Variants in DPH6 observed in about 807,000 individuals in gnomAD.
DPH6 encodes the protein diphthine--ammonia ligase.
DPH6 carries 33 observed loss-of-function variants against 38.2 expected under a neutral mutation model. That is an observed-to-expected ratio of 0.86 (90% CI 0.65 to 1.15). The LOEUF is 1.15. DPH6 is among the 50% of genes most tolerant of loss of function. The pLI is 0.00. For synonymous variants in DPH6, 108 were observed against 103.0 expected (o/e 1.05, Z -0.30); for missense variants, 325 against 320.0 (o/e 1.02, Z -0.12).
At chr15:35,156,671 G>A in the DPH6 span, among the ~76,000 whole-genome samples, 6 of 152,252 alleles carry the variant, frequency 3.9e-5, no homozygotes, top group African/African-American at 1.2e-4. Flanking sequence ...TCAATTTGAT[G>A]ACACAGATTA....
chr15:35,158,805 AACTCTTCCGTCTC>A, the DPH6 span, among the ~76,000 whole-genome samples: 50 of 152,050 alleles, frequency 3.3e-4, 1 homozygote, highest in Non-Finnish European at 6.8e-4. Flanking sequence ...AAAACAAAAG[AACTCTTCCGTCTC>A]TCTACTTCTG....
At chr15:35,427,774 C>T (rs2053587168) in intron 5 of DPH6, among the ~76,000 whole-genome samples, 1 of 151,792 alleles carries the variant, frequency 6.6e-6, no homozygotes, top group South Asian at 2.1e-4. Context: ...TAAATAAGCA[C>T]AGTCTTTGGA....
chr15:35,238,488 C>T (rs1220358057), intron 3 of DPH6, among the ~76,000 whole-genome samples: 1 of 152,184 alleles, frequency 6.6e-6, no homozygotes, highest in African/African-American at 2.4e-5. Flanking sequence ...AACCCAGCCA[C>T]ACTTGGGGAG....
chr15:35,240,204 A>G (rs534558626), intron 3 of DPH6, among the ~76,000 whole-genome samples: 1 of 143,342 alleles, frequency 7.0e-6, no homozygotes, highest in African/African-American at 2.5e-5. Flanking sequence ...AAATAGCCAG[A>G]AAACGGCACT....
intron 3 of DPH6, among the ~76,000 whole-genome samples, chr15:35,286,446 A>G (rs529015304): frequency 6.6e-6 from 1 of 152,286 alleles, no homozygotes; most frequent in South Asian, 2.1e-4. Context: ...CTCCATCCCT[A>G]TGGGAAATAA....
intron 6 of DPH6, chr15:35,396,280 A>G (rs1809523075): frequency 6.6e-6 from 1 of 152,228 alleles, no homozygotes; most frequent in Non-Finnish European, 1.5e-5. Flanking sequence ...CGCTCCTACC[A>G]TCATGACCTC....
chr15:35,274,368 T>C lies in DPH6; in HGVS notation n.201-53786A>G, dbSNP rs151132114. ...CAAAGACTTCATAACTAAAAAGCAA[T>C]TGCAACAAAAACCAAAATTGACAAA... On this transcript the variant is annotated intron_variant and non_coding_transcript_variant, in intron 3 of 3. Transcript: ENST00000560386. Among the ~76,000 whole-genome samples, 555 of 152,020 alleles carry C rather than the reference T, an allele frequency of 3.7e-3. 4 individuals are homozygous for C. Among genetic ancestry groups the C allele is most frequent in the African/African-American group, 0.013 (529 of 41,464 alleles).
At chr15:35,480,601 T>C (rs2054314702) in intron 3 of DPH6, among the ~76,000 whole-genome samples, 1 of 152,050 alleles carries the variant, frequency 6.6e-6, no homozygotes, top group Non-Finnish European at 1.5e-5. Flanking sequence ...GAATAAAATG[T>C]TTGCTATTTT....
At chr15:35,333,093 T>C (rs1014038155) in intron 3 of DPH6, among the ~76,000 whole-genome samples, 2 of 140,112 alleles carry the variant, frequency 1.4e-5, no homozygotes, top group African/African-American at 2.6e-5. Context: ...ATCAGGAAGC[T>C]AAAAAAAAAA....
chr15:35,145,089 C>G, the DPH6 span, among the ~76,000 whole-genome samples: 6 of 152,058 alleles, frequency 3.9e-5, no homozygotes, highest in African/African-American at 1.4e-4. Flanking sequence ...CTTTTCTTCT[C>G]TAGATTATTG....
At chr15:35,376,576 G>T (rs1410363273) in intron 7 of DPH6, among the ~76,000 whole-genome samples, 1 of 152,054 alleles carries the variant, frequency 6.6e-6, no homozygotes, top group East Asian at 1.9e-4. Flanking sequence ...GTACAGTAAT[G>T]TCCTAGGCCT....
intron 3 of DPH6, among the ~76,000 whole-genome samples, chr15:35,233,055 C>G (rs139698086): frequency 2.3e-4 from 35 of 152,306 alleles, no homozygotes; most frequent in African/African-American, 7.7e-4. Flanking sequence ...TGCCTGTAAT[C>G]TCAGCATTTT....
At chr15:35,501,967 T>C (rs2054633486) in intron 3 of DPH6, among the ~76,000 whole-genome samples, 1 of 152,144 alleles carries the variant, frequency 6.6e-6, no homozygotes, top group African/African-American at 2.4e-5. Flanking sequence ...TGTTAGCAAC[T>C]TGACTTAAAT....
intron 5 of DPH6, among the ~76,000 whole-genome samples, chr15:35,427,847 A>C (rs563194747): frequency 6.6e-6 from 1 of 152,098 alleles, no homozygotes; most frequent in South Asian, 2.1e-4. Flanking sequence ...ATGAAAACAA[A>C]GTTTCAGGGA....
intron 3 of DPH6, among the ~76,000 whole-genome samples, chr15:35,271,564 A>T (rs1257476714): frequency 6.6e-6 from 1 of 152,236 alleles, no homozygotes; most frequent in Non-Finnish European, 1.5e-5. Context: ...TTACACATAT[A>T]GAGTAGAGGC....
intron 1 of DPH6, among the ~76,000 whole-genome samples, chr15:35,543,756 A>G (rs2055300837): frequency 6.6e-6 from 1 of 152,176 alleles, no homozygotes; most frequent in African/African-American, 2.4e-5. Flanking sequence ...GAAGTTTTAA[A>G]AAGTCCATTC....
rs185107151 is a variant in DPH6, at chr15:35,520,724, T to C, written c.312+17550A>G. The C allele has an allele frequency of 3.4e-3, 3,347 of 985,032 alleles. 8 individuals carry two copies. The highest frequency in any genetic ancestry group is 3.9e-3 in the Non-Finnish European group (3,203 of 829,676). 61.0% of individuals were successfully genotyped at this position (985,032 alleles called of 1,614,324 possible). ...GAAACATGGACATTAGCTGTGAGAA[T>C]TATAATATGATCAAACCAAGTAGAA... On this transcript the variant is annotated intron_variant, in intron 3 of 8. Coordinates refer to ENST00000256538, the MANE Select transcript of DPH6 (RefSeq NM_080650.4).
the DPH6 span, among the ~76,000 whole-genome samples, chr15:35,179,218 A>ATC: frequency 6.6e-6 from 1 of 151,280 alleles, no homozygotes; most frequent in Non-Finnish European, 1.5e-5. Flanking sequence ...AAAAAAAAAA[A>ATC]AAAAAAAAAG....
At chr15:35,540,493 A>G (rs990429907) in intron 2 of DPH6, among the ~76,000 whole-genome samples, 1 of 152,086 alleles carries the variant, frequency 6.6e-6, no homozygotes, top group African/African-American at 2.4e-5. Flanking sequence ...GAATTGTTCA[A>G]TAATTCCCAA....
Sources: allele counts gnomAD v4.1 joint callset (sites outside exome capture counted in the v4.1 genomes callset), GRCh38; gene constraint gnomAD v4.1.1; transcripts MANE v1.5; gene names NCBI Gene and HGNC (gene_info 2026-07-23, HGNC 2026-07-21).